Variants in ZNF385D observed in about 807,000 individuals in gnomAD.
ZNF385D encodes the protein zinc finger protein 385D, also known as zinc finger protein 659.
A neutral mutation model predicts 35.8 loss-of-function variants in ZNF385D; 15 were observed. The observed-to-expected ratio is 0.42, with a 90% CI of 0.28 to 0.64. The LOEUF is 0.64. Among genes scored for constraint, ZNF385D ranks in the 30% least tolerant of loss-of-function variants. The pLI, the probability that ZNF385D is intolerant of heterozygous loss-of-function variation, is 0.23. For synonymous variants in ZNF385D, 212 were observed against 186.8 expected (o/e 1.13, Z -1.10); for missense variants, 474 against 494.6 (o/e 0.96, Z 0.39).
At chr3:22,027,602 C>T (rs949635273) in intron 3 of ZNF385D, among the ~76,000 whole-genome samples, 10 of 152,194 alleles carry the variant, frequency 6.6e-5, no homozygotes, top group Admixed American at 2.6e-4. Context: ...TATGGCTCAT[C>T]AAATCACCAT....
chr3:21,498,730 T>C (rs778031065), intron 4 of ZNF385D, among the ~76,000 whole-genome samples: 53 of 151,834 alleles, frequency 3.5e-4, no homozygotes, highest in Non-Finnish European at 6.3e-4. Context: ...GATCACAAGG[T>C]CAAGAGATCG....
chr3:22,345,536 C>T (rs73140276), intron 2 of ZNF385D, among the ~76,000 whole-genome samples: 12,383 of 152,196 alleles, frequency 0.081, 844 homozygotes, highest in African/African-American at 0.2. Flanking sequence ...ACAAGACAGG[C>T]ACATCCCCTG....
chr3:22,076,562 A>C lies in ZNF385D; in HGVS notation c.325+92255T>G, dbSNP rs191591109. Among the ~76,000 whole-genome samples, 12 of 152,024 alleles carry C rather than the reference A, an allele frequency of 7.9e-5. No individual in the cohort carries two copies. In the East Asian group the frequency reaches 1.2e-3, roughly 15 times the overall value. ...CTCTATTACTATATAATCACAAACT[A>C]CAATTACGTATCTATTTGTAATTGT... On this transcript the variant is annotated intron_variant, in intron 3 of 5. Transcript: ENST00000494108.
chr3:21,963,087 TG>T (rs2125322781), intron 3 of ZNF385D, among the ~76,000 whole-genome samples: 1 of 152,348 alleles, frequency 6.6e-6, no homozygotes, highest in Admixed American at 6.5e-5. Context: ...AAACCCAACC[TG>T]GCCTTAATGA....
intron 3 of ZNF385D, among the ~76,000 whole-genome samples, chr3:22,131,517 G>A (rs995097107): frequency 5.9e-5 from 9 of 152,096 alleles, no homozygotes; most frequent in African/African-American, 2.2e-4. Flanking sequence ...ATATTGATGA[G>A]AAATACCCAG....
intron 3 of ZNF385D, among the ~76,000 whole-genome samples, chr3:21,808,367 G>C (rs192982877): frequency 1.3e-5 from 2 of 152,122 alleles, no homozygotes; most frequent in Non-Finnish European, 2.9e-5. Context: ...GAAAACACTA[G>C]AAGCTATGAC....
chr3:21,791,257 T>C (rs2071915354), intron 3 of ZNF385D, among the ~76,000 whole-genome samples: 1 of 152,164 alleles, frequency 6.6e-6, no homozygotes, highest in Admixed American at 6.5e-5. Context: ...TCCAACTAAG[T>C]AAGCTGTTTT....
chr3:22,123,952 CTCTCTCTCTCTATA>C (rs767819311), intron 3 of ZNF385D, among the ~76,000 whole-genome samples: 3,863 of 101,602 alleles, frequency 0.038, 79 homozygotes, highest in Non-Finnish European at 0.059. Flanking sequence ...CTCTCTCTCT[CTCTCTCTCTCTATA>C]TATATATATA....
intron 3 of ZNF385D, among the ~76,000 whole-genome samples, chr3:21,828,010 G>A (rs1057060048): frequency 6.6e-6 from 1 of 152,194 alleles, no homozygotes; most frequent in Non-Finnish European, 1.5e-5. Flanking sequence ...ACTTGACTCA[G>A]AGTTTATGCA....
intron 3 of ZNF385D, among the ~76,000 whole-genome samples, chr3:21,534,622 T>C (rs1035172814): frequency 1.2e-4 from 18 of 152,156 alleles, no homozygotes; most frequent in African/African-American, 3.4e-4. Flanking sequence ...CTGAATTTTA[T>C]GATCTTCACT....
chr3:22,360,443 C>T (rs769117953), intron 2 of ZNF385D, among the ~76,000 whole-genome samples: 2 of 151,918 alleles, frequency 1.3e-5, no homozygotes, highest in Non-Finnish European at 2.9e-5. Flanking sequence ...AAAGATTGCA[C>T]AGTACTTGGC....
intron 3 of ZNF385D, among the ~76,000 whole-genome samples, chr3:21,868,432 A>T (rs1381724251): frequency 1.3e-5 from 2 of 152,154 alleles, no homozygotes; most frequent in Non-Finnish European, 2.9e-5. Context: ...CTGCTACTAC[A>T]AGCACTTGCT....
chr3:21,614,822 C>T (rs928924290), intron 2 of ZNF385D, among the ~76,000 whole-genome samples: 4 of 152,164 alleles, frequency 2.6e-5, no homozygotes, highest in Non-Finnish European at 5.9e-5. Flanking sequence ...CTCTTGACCT[C>T]GTGATCTGCC....
chr3:21,920,815 A>T (rs1228629085), intron 3 of ZNF385D, among the ~76,000 whole-genome samples: 1 of 152,156 alleles, frequency 6.6e-6, no homozygotes, highest in Admixed American at 6.5e-5. Flanking sequence ...TATGACAACA[A>T]TCTTGCAGAC....
chr3:21,980,540 A>G (rs1694373288), intron 3 of ZNF385D, among the ~76,000 whole-genome samples: 1 of 152,186 alleles, frequency 6.6e-6, no homozygotes, highest in Admixed American at 6.6e-5. Context: ...TTTGTAGATC[A>G]CATATCAGCC....
At chr3:21,735,374 G>A (rs1411022594) in intron 1 of ZNF385D, among the ~76,000 whole-genome samples, 1 of 152,126 alleles carries the variant, frequency 6.6e-6, no homozygotes, top group East Asian at 1.9e-4. Context: ...GGCCCTATTT[G>A]TGCCACTCAC....
intron 3 of ZNF385D, among the ~76,000 whole-genome samples, chr3:21,894,656 G>A (rs1181669434): frequency 6.6e-6 from 1 of 152,062 alleles, no homozygotes; most frequent in African/African-American, 2.4e-5. Flanking sequence ...CATGGTATAT[G>A]GGCTCCCTCC....
At chr3:22,081,306 G>A (rs1022524479) in intron 3 of ZNF385D, among the ~76,000 whole-genome samples, 3 of 152,084 alleles carry the variant, frequency 2.0e-5, no homozygotes, top group Non-Finnish European at 4.4e-5. Flanking sequence ...TAGAACTGGG[G>A]ATGCGAGCTT....
intron 3 of ZNF385D, among the ~76,000 whole-genome samples, chr3:21,817,392 AG>A (rs2073198782): frequency 6.6e-6 from 1 of 152,166 alleles, no homozygotes. Flanking sequence ...CAGAGTGAAC[AG>A]GCAACCTACA....
Sources: allele counts gnomAD v4.1 joint callset (sites outside exome capture counted in the v4.1 genomes callset), GRCh38; gene constraint gnomAD v4.1.1; transcripts MANE v1.5; gene names NCBI Gene and HGNC (gene_info 2026-07-23, HGNC 2026-07-21).